The following CCSER1 variants were observed in gnomAD, a reference collection of about 807,000 sequenced individuals.
The protein encoded by CCSER1 is serine-rich coiled-coil domain-containing protein 1.
CCSER1 carries 41 observed loss-of-function variants against 82.0 expected under a neutral mutation model. The observed-to-expected ratio is 0.50, with a 90% CI of 0.39 to 0.65. The LOEUF (loss-of-function observed/expected upper bound fraction) is 0.65. CCSER1 is among the 30% of genes least tolerant of loss of function. The pLI is 0.00. For synonymous variants in CCSER1, 414 were observed against 383.9 expected, an observed-to-expected ratio of 1.08 and a Z score of -0.92; for missense variants, 1,119 against 1,064.2, an observed-to-expected ratio of 1.05 and a Z score of -0.72.
At chr4:90,156,084 A>G (rs1234935124) in intron 1 of CCSER1, among the ~76,000 whole-genome samples, 7 of 151,992 alleles carry the variant, frequency 4.6e-5, no homozygotes, top group South Asian at 2.1e-4. Flanking sequence ...CTTTGTTCTC[A>G]TTGGTTTCAA....
At chr4:90,904,274 T>C (rs1049155523) in intron 8 of CCSER1, among the ~76,000 whole-genome samples, 3 of 152,112 alleles carry the variant, frequency 2.0e-5, no homozygotes, top group Non-Finnish European at 4.4e-5. Context: ...AACAACACAA[T>C]TGATACTTTC....
chr4:90,197,880 G>T (rs1369826423), intron 1 of CCSER1, among the ~76,000 whole-genome samples: 1 of 151,772 alleles, frequency 6.6e-6, no homozygotes, highest in Non-Finnish European at 1.5e-5. Flanking sequence ...GGCACAACAG[G>T]GTGCTCACAG....
chr4:91,571,988 G>A (rs113117784), intron 10 of CCSER1, among the ~76,000 whole-genome samples: 70 of 152,178 alleles, frequency 4.6e-4, no homozygotes, highest in African/African-American at 1.6e-3. Context: ...GGTGGCAAGC[G>A]CAGTTCTGCA....
intron 1 of CCSER1, among the ~76,000 whole-genome samples, chr4:90,142,056 C>T (rs77933228): frequency 0.029 from 4,418 of 152,222 alleles, 107 homozygotes; most frequent in South Asian, 0.06. Flanking sequence ...GCTTTACTGG[C>T]TCTAAATAGG....
intron 8 of CCSER1, among the ~76,000 whole-genome samples, chr4:90,846,707 C>G (rs1003206240): frequency 6.7e-6 from 1 of 149,176 alleles, no homozygotes; most frequent in Admixed American, 6.7e-5. Context: ...CATTAACCAA[C>G]CCGTCTTCAT....
chr4:91,524,230 C>G (rs773199172), intron 10 of CCSER1, among the ~76,000 whole-genome samples: 5 of 151,988 alleles, frequency 3.3e-5, no homozygotes, highest in Non-Finnish European at 5.9e-5. Flanking sequence ...CTGTGAAGGC[C>G]CTTCATTTTG....
At chr4:91,347,260 G>T (rs1056236183) in intron 10 of CCSER1, among the ~76,000 whole-genome samples, 7 of 152,106 alleles carry the variant, frequency 4.6e-5, no homozygotes, top group Non-Finnish European at 8.8e-5. Context: ...CCATTTATTT[G>T]ACTTTGTTCC....
intron 9 of CCSER1, among the ~76,000 whole-genome samples, chr4:91,080,817 A>G (rs541293962): frequency 4.5e-4 from 68 of 152,348 alleles, no homozygotes; most frequent in Non-Finnish European, 7.3e-4. Flanking sequence ...GAAAATCTAG[A>G]AGAAATGGAT....
chr4:90,298,705 A>G (rs575723263), intron 1 of CCSER1, among the ~76,000 whole-genome samples: 2 of 151,834 alleles, frequency 1.3e-5, no homozygotes, highest in Non-Finnish European at 2.9e-5. Context: ...CTTTGTTCTC[A>G]TTGGTTTCAA....
intron 10 of CCSER1, among the ~76,000 whole-genome samples, chr4:91,318,208 C>G (rs575651727): frequency 6.6e-6 from 1 of 152,000 alleles, no homozygotes; most frequent in East Asian, 1.9e-4. Context: ...ACTCCTGATA[C>G]TTCAATAGGG....
At chr4:90,799,117 G>C (rs1756437329) in intron 7 of CCSER1, among the ~76,000 whole-genome samples, 1 of 152,180 alleles carries the variant, frequency 6.6e-6, no homozygotes, top group African/African-American at 2.4e-5. Flanking sequence ...GTTGGCAACT[G>C]TGTGTATGGT....
chr4:90,936,111 A>G (rs1037105028), intron 9 of CCSER1, among the ~76,000 whole-genome samples: 5 of 152,002 alleles, frequency 3.3e-5, no homozygotes, highest in Admixed American at 1.3e-4. Flanking sequence ...TTCTATTCAA[A>G]TCTACTTTCT....
chr4:90,341,997 T>A (rs956917361), intron 3 of CCSER1, among the ~76,000 whole-genome samples: 4 of 152,174 alleles, frequency 2.6e-5, no homozygotes, highest in Admixed American at 2.6e-4. Flanking sequence ...TTTTCATGAC[T>A]ACCTCCCCTT....
At chr4:91,000,135 A>G (rs889575544) in intron 9 of CCSER1, among the ~76,000 whole-genome samples, 1 of 151,594 alleles carries the variant, frequency 6.6e-6, no homozygotes, top group Non-Finnish European at 1.5e-5. Flanking sequence ...ATTCTGTTCC[A>G]TTGGTCTATG....
chr4:91,484,242 G>T (rs1006225990), intron 10 of CCSER1, among the ~76,000 whole-genome samples: 1 of 151,942 alleles, frequency 6.6e-6, no homozygotes, highest in Non-Finnish European at 1.5e-5. Flanking sequence ...TGAGCTTTTT[G>T]TTACTCTAGA....
At chr4:91,402,490 A>T (rs1177728967) in intron 10 of CCSER1, among the ~76,000 whole-genome samples, 4 of 152,084 alleles carry the variant, frequency 2.6e-5, no homozygotes, top group Non-Finnish European at 4.4e-5. Context: ...CCTGAATGGT[A>T]TTGCCTAGGT....
chr4:90,853,358 C>T (rs1764097828), intron 8 of CCSER1, among the ~76,000 whole-genome samples: 1 of 151,922 alleles, frequency 6.6e-6, no homozygotes, highest in Admixed American at 6.5e-5. Context: ...AAGAGGAACT[C>T]AATGAACCAA....
At chr4:91,490,314 A>G (rs548682856) in intron 10 of CCSER1, among the ~76,000 whole-genome samples, 1 of 152,318 alleles carries the variant, frequency 6.6e-6, no homozygotes, top group African/African-American at 2.4e-5. Context: ...TGCACTATTC[A>G]CAGTAGTCAA....
intron 7 of CCSER1, among the ~76,000 whole-genome samples, chr4:90,738,476 T>C (rs1013792233): frequency 1.1e-4 from 16 of 152,088 alleles, no homozygotes; most frequent in Admixed American, 5.9e-4. Flanking sequence ...ACATAGTCTC[T>C]CCCACTATTT....
Sources: allele counts gnomAD v4.1 joint callset (sites outside exome capture counted in the v4.1 genomes callset), GRCh38; gene constraint gnomAD v4.1.1; transcripts MANE v1.5; gene names NCBI Gene and HGNC (gene_info 2026-07-23, HGNC 2026-07-21).